The following TSPEAR variants were observed in gnomAD, a reference collection of about 807,000 sequenced individuals.
TSPEAR encodes the protein thrombospondin type laminin G domain and EAR repeats.
TSPEAR carries 69 observed loss-of-function variants against 71.6 expected under a neutral mutation model. The observed-to-expected ratio is 0.96, with a 90% CI of 0.79 to 1.18. TSPEAR has a LOEUF of 1.18. Among genes scored for constraint, TSPEAR ranks in the 50% most tolerant of loss-of-function variants. The pLI is 0.00. For synonymous variants in TSPEAR, 402 were observed against 387.2 expected (o/e 1.04, Z -0.45); for missense variants, 971 against 894.9 (o/e 1.09, Z -1.09).
intron 2 of TSPEAR, chr21:44,539,168 G>A: frequency 7.1e-7 from 1 of 1,413,410 alleles, no homozygotes; most frequent in South Asian, 1.4e-5. Flanking sequence ...AGGAGGGGGG[G>A]TCACCTCAGC....
intron 2 of TSPEAR, among the ~76,000 whole-genome samples, chr21:44,551,773 G>A (rs1373005012): frequency 6.6e-6 from 1 of 152,166 alleles, no homozygotes; most frequent in African/African-American, 2.4e-5. Flanking sequence ...GGAAGGTGTG[G>A]CCTCTCTGGG....
chr21:44,682,327 C>T (rs1367720325), intron 1 of TSPEAR, among the ~76,000 whole-genome samples: 3 of 152,186 alleles, frequency 2.0e-5, no homozygotes, highest in Non-Finnish European at 2.9e-5. Context: ...CCCTTTGTTT[C>T]GTGACTAATT....
In TSPEAR at chr21:44,545,573, T is replaced by G. The variant is rs145615237; in HGVS notation, c.304-11650A>C. Among the ~76,000 whole-genome samples, 1,386 of 152,214 alleles carry G rather than the reference T, an allele frequency of 9.1e-3. 15 individuals are homozygous for G. The highest frequency in any genetic ancestry group is 0.014 in the Non-Finnish European group (967 of 67,996). On this transcript the variant is annotated intron_variant, in intron 2 of 11. Transcript: ENST00000323084. ...ACTCATAGAAACTATCTTCTCTGAT[T>G]ATAATGGAAAGAAACTAGAAAATAA...
intron 11 of TSPEAR, among the ~76,000 whole-genome samples, chr21:44,503,644 G>GC: frequency 7.2e-6 from 1 of 139,592 alleles, no homozygotes. Context: ...TGAGCCCTTG[G>GC]GGGGAAGCCG....
chr21:44,511,543 C>T (rs1385885920), intron 9 of TSPEAR, among the ~76,000 whole-genome samples: 4 of 152,232 alleles, frequency 2.6e-5, no homozygotes, highest in African/African-American at 9.6e-5. Context: ...TATACTTGCA[C>T]ACATGCCTGT....
At chr21:44,540,419 A>C (rs782734725) in intron 2 of TSPEAR, among the ~76,000 whole-genome samples, 12 of 152,090 alleles carry the variant, frequency 7.9e-5, no homozygotes, top group Non-Finnish European at 1.5e-4. Context: ...AGCCTGTCCC[A>C]TGTGGATCCC....
chr21:44,558,122 G>C, intron 2 of TSPEAR: 4 of 1,612,960 alleles, frequency 2.5e-6, no homozygotes, highest in Non-Finnish European at 3.4e-6. Flanking sequence ...TGGGGCGGCA[G>C]AGGAGGGACA....
chr21:44,535,488 T>C (rs2053072573), intron 2 of TSPEAR, among the ~76,000 whole-genome samples: 1 of 152,232 alleles, frequency 6.6e-6, no homozygotes, highest in Non-Finnish European at 1.5e-5. Flanking sequence ...CCTGTTTCAG[T>C]TGACAGTGGA....
intron 1 of TSPEAR, among the ~76,000 whole-genome samples, chr21:44,598,843 A>G (rs961873753): frequency 6.6e-6 from 1 of 152,158 alleles, no homozygotes; most frequent in African/African-American, 2.4e-5. Context: ...TAGTTACTGT[A>G]GAGTAGGTCT....
Position 44,533,732 on chromosome 21 carries a change from G to A in TSPEAR, c.495C>T (p.Ser165=), listed in dbSNP as rs782807037. The change falls in exon 3 of 12, where the codon TCC becomes TCT. Residue 165 remains serine (S), a synonymous_variant. Transcript: ENST00000323084. ...GRWHTLVLAV[S]AGVFSLTTDC... ...CCGTGGTGAGGGAGAAGACGCCTGC[G>A]GACACAGCCAGGACCAGTGTGTGCC... 29 of 1,611,978 alleles carry A rather than the reference G, an allele frequency of 1.8e-5. No homozygotes were observed. The South Asian group carries it at 1.9e-4, about 10-fold the overall frequency.
At chr21:44,626,125 C>T (rs1428449632) in intron 1 of TSPEAR, among the ~76,000 whole-genome samples, 2 of 152,176 alleles carry the variant, frequency 1.3e-5, no homozygotes, top group Non-Finnish European at 1.5e-5. Context: ...TCGTGTAATA[C>T]GTCTTACTTT....
At position 44,577,125 on chromosome 21, in the gene TSPEAR, G is replaced by A. The variant is rs1005751708; in HGVS notation, c.83-9120C>T. ...AATCACCCCATATCAATACTTGTGGGATGCAGCTAACAAAGCATGTAGAGG... is the reference window on the plus strand; with the variant it reads ...AATCACCCCATATCAATACTTGTGGAATGCAGCTAACAAAGCATGTAGAGG... On this transcript the variant is annotated intron_variant, in intron 1 of 11. Transcript: ENST00000323084. Among the ~76,000 whole-genome samples, 7 of 152,302 alleles carry A rather than the reference G, an allele frequency of 4.6e-5. No homozygotes were observed. In the South Asian group the frequency reaches 1.2e-3, roughly 27 times the overall value.
At chr21:44,703,018 G>A (rs537680249) in intron 1 of TSPEAR, among the ~76,000 whole-genome samples, 125 of 152,218 alleles carry the variant, frequency 8.2e-4, no homozygotes, top group African/African-American at 2.8e-3. Flanking sequence ...GAAGGGCCCC[G>A]GGTGTTCCCT....
intron 2 of TSPEAR, among the ~76,000 whole-genome samples, chr21:44,554,221 T>C (rs1283710637): frequency 6.6e-6 from 1 of 152,190 alleles, no homozygotes; most frequent in Non-Finnish European, 1.5e-5. Context: ...GGAGAGATTA[T>C]CTGGGCCACG....
chr21:44,568,550 G>C (rs1333016614), intron 1 of TSPEAR, among the ~76,000 whole-genome samples: 4 of 152,190 alleles, frequency 2.6e-5, no homozygotes, highest in African/African-American at 9.7e-5. Context: ...TAAGCTCCTG[G>C]GGAACCTGGG....
chr21:44,613,087 C>G, intron 1 of TSPEAR: 1 of 730,096 alleles, frequency 1.4e-6, no homozygotes. Flanking sequence ...AGGTGCCCAC[C>G]TGCCTGCTGG....
At chr21:44,638,062 C>A in intron 1 of TSPEAR, 2 of 1,613,354 alleles carry the variant, frequency 1.2e-6, no homozygotes, top group Non-Finnish European at 1.7e-6. Flanking sequence ...CTGCCTCCTC[C>A]TGCCAGCCCA....
intron 7 of TSPEAR, chr21:44,526,046 A>G: frequency 2.0e-6 from 1 of 490,370 alleles, no homozygotes; most frequent in Non-Finnish European, 3.6e-6. Context: ...ACCCTTGAAA[A>G]TGTCCATATT....
At chr21:44,523,396 T>C (rs1601358939) in intron 8 of TSPEAR, among the ~76,000 whole-genome samples, 4 of 140,296 alleles carry the variant, frequency 2.9e-5, no homozygotes, top group Non-Finnish European at 1.5e-5. Flanking sequence ...GTCAGTCAGT[T>C]AGGTAGTTAA....
Sources: gnomAD v4.1 joint callset for allele counts (sites outside exome capture counted in the v4.1 genomes callset) on GRCh38, gnomAD v4.1.1 for gene constraint, MANE v1.5 for transcripts, NCBI Gene and HGNC (gene_info 2026-07-23, HGNC 2026-07-21) for gene names.